The following EEF1D variants were observed in gnomAD, a reference collection of about 807,000 sequenced individuals.
EEF1D encodes the protein eukaryotic translation elongation factor 1 delta.
EEF1D carries 47 observed loss-of-function variants against 63.9 expected under a neutral mutation model. The ratio of observed to expected loss-of-function variants is 0.74; its 90% CI spans 0.58 to 0.94. EEF1D has a LOEUF of 0.94. Among genes scored for constraint, EEF1D ranks in the 40% least tolerant of loss-of-function variants. The probability of loss-of-function intolerance (pLI) is 0.00; values close to 1 mark genes in which losing one functional copy is unlikely to be tolerated. For synonymous variants in EEF1D, 412 were observed against 386.1 expected (o/e 1.07, Z -0.79); for missense variants, 907 against 899.0 (o/e 1.01, Z -0.11).
In EEF1D at chr8:143,580,652, C is replaced by T. The variant is rs376504540; in HGVS notation, c.1564G>A (p.Asp522Asn). 6.2e-7 allele frequency: 1 copy of T among 1,613,892 alleles called. No homozygotes were observed. Among genetic ancestry groups the T allele is most frequent in the Non-Finnish European group, 8.5e-7 (1 of 1,179,974 alleles). ...ATPAEDDEDD[D>N]IDLFGSDNEE... ...TTGTCACTGCCAAACAGGTCAATGT[C>T]ATCATCCTCGTCATCCTCTGCTGGT... The change falls in exon 8 of 10, where the codon GAC (aspartate) becomes AAC (asparagine). Residue 522 changes from aspartate (D) to asparagine (N), a missense_variant. Physicochemically the swap from Asp to Asn is conservative, Grantham distance 23. Coordinates refer to ENST00000618139, the MANE Select transcript of EEF1D (RefSeq NM_001130053.5).
intron 1 of EEF1D, among the ~76,000 whole-genome samples, chr8:143,595,179 C>G (rs1429220828): frequency 6.6e-6 from 1 of 152,202 alleles, no homozygotes; most frequent in Non-Finnish European, 1.5e-5. Context: ...AAGCAATTCT[C>G]CTACCTCAGC....
In EEF1D at chr8:143,586,265, C is replaced by T. The variant is rs1163723900; in HGVS notation, c.1241G>A (p.Arg414His). ...GTTCTCTCTGGCTCTCGCAATGTCA[C>T]GGAGGATCACGCTGGCGCCGTTCTC... ...RQENGASVIL[R>H]DIARARENIQ... Residue 414 changes from arginine (R) to histidine (H), a missense_variant, in exon 5 of 10, where the codon CGT becomes CAT. By Grantham distance (29) the Arg-to-His change is conservative (BLOSUM62 0). Transcript: ENST00000618139. 3.1e-6 allele frequency: 5 copies of T among 1,608,446 alleles called. No homozygotes were observed. Among genetic ancestry groups the T allele is most frequent in the Admixed American group, 3.3e-5 (2 of 59,800 alleles).
intron 1 of EEF1D, chr8:143,596,690 A>C (rs1319357199): frequency 6.6e-6 from 1 of 152,230 alleles, no homozygotes; most frequent in Non-Finnish European, 1.5e-5. Context: ...ACCAATCCTG[A>C]CGTCTCATCA....
At chr8:143,583,065 T>A (rs1168827678) in intron 5 of EEF1D, 1 of 152,198 alleles carries the variant, frequency 6.6e-6, no homozygotes, top group African/African-American at 2.4e-5. Context: ...TGTGACCTTA[T>A]TTGGAGACAG....
chr8:143,596,451 GA>G (rs1193140257), intron 1 of EEF1D: 1 of 152,338 alleles, frequency 6.6e-6, no homozygotes, highest in Non-Finnish European at 1.5e-5. Flanking sequence ...ACGGGCTCCG[GA>G]AGTAACCAAC....
At position 143,581,335 on chromosome 8, in the gene EEF1D, G is replaced by A; in HGVS notation, c.1288-7C>T. On this transcript the variant is annotated splice_polypyrimidine_tract_variant and splice_region_variant and intron_variant, in intron 5 of 9. Transcript: ENST00000618139. ...AGGCCCCGGGGCCTGAGCTCTGCAA[G>A]GCAGGAGGAGGGGAGGGCTCAGTGC... is the stretch of plus-strand genomic sequence containing the variant. 4 of 1,608,908 alleles carry A rather than the reference G, an allele frequency of 2.5e-6. No homozygotes were observed. Among genetic ancestry groups the A allele is most frequent in the South Asian group, 1.1e-5 (1 of 90,622 alleles).
intron 5 of EEF1D, chr8:143,582,560 CA>C (rs1825765752): frequency 6.6e-6 from 1 of 152,304 alleles, no homozygotes; most frequent in African/African-American, 2.4e-5. Flanking sequence ...CCCCACACAG[CA>C]GGCCCAAGGA....
intron 3 of EEF1D, among the ~76,000 whole-genome samples, chr8:143,588,542 G>A (rs1271902755): frequency 1.3e-5 from 2 of 152,208 alleles, no homozygotes; most frequent in Non-Finnish European, 2.9e-5. Context: ...AAAGCTGGGG[G>A]TGCACAGGAT....
chr8:143,592,623 G>A (rs1337373252), intron 2 of EEF1D, 24 bp downstream of exon 2: 1 of 985,696 alleles, frequency 1.0e-6, no homozygotes, highest in African/African-American at 1.7e-5. Flanking sequence ...GGGGAATGGG[G>A]CATGAGGACA....
In EEF1D at chr8:143,586,287, TCTC is replaced by T; in HGVS notation, c.1216_1218del (p.Glu406del). 1 of 1,602,250 alleles carries T rather than the reference TCTC, an allele frequency of 6.2e-7. No individual in the cohort carries two copies. The highest frequency in any genetic ancestry group is 8.5e-7 in the Non-Finnish European group (1 of 1,175,272). On this transcript the variant is annotated inframe_deletion and splice_region_variant, in exon 5 of 10. Transcript: ENST00000618139. ...TCACGGAGGATCACGCTGGCGCCGT[TCTC>T]CTGCAGACAGTGCAGAAAGAACCAG... is the stretch of plus-strand genomic sequence containing the variant.
Position 143,589,867 on chromosome 8 carries a change from C to T in EEF1D, c.215G>A (p.Arg72His), listed in dbSNP as rs773833658. 3.2e-5 allele frequency: 51 copies of T among 1,600,318 alleles called. No homozygotes were observed. The highest frequency in any genetic ancestry group is 3.9e-5 in the Non-Finnish European group (46 of 1,176,122). Residue 72 changes from arginine (R) to histidine (H), a missense_variant, in exon 3 of 10, where the codon CGT becomes CAT. Physicochemically the swap from Arg to His is conservative, Grantham distance 29 (BLOSUM62 0). Coordinates refer to ENST00000618139, the MANE Select transcript of EEF1D (RefSeq NM_001130053.5). The stretch of plus-strand genomic sequence containing the variant: ...GCTGTCCTGGCTCTTCCTGGGATCA[C>T]GCCTGCTGCCGCCGTCAGGGGCTTC... ...EAEAPDGGSR[R>H]DPRKSQDSRK...
rs763262073 is a variant in EEF1D at position 143,580,637 on chromosome 8, C to T, written c.1579G>A (p.Gly527Ser). The T allele has an allele frequency of 8.1e-6, 13 of 1,613,800 alleles. 1 individual carries two copies. The South Asian group carries it at 1.4e-4, about 18-fold the overall frequency. Residue 527 changes from glycine (G) to serine (S), a missense_variant, in exon 8 of 10, where the codon GGC becomes AGC. Coordinates refer to ENST00000618139, the MANE Select transcript of EEF1D (RefSeq NM_001130053.5). ...TTGTCCTCCTCCTCATTGTCACTGC[C>T]AAACAGGTCAATGTCATCATCCTCG... The part of the protein sequence containing the change: ...DDEDDDIDLF[G>S]SDNEEEDKEA...
chr8:143,579,948 G>C (rs973314231), intron 9 of EEF1D, 64 bp downstream of exon 9: 4 of 1,573,768 alleles, frequency 2.5e-6, no homozygotes, highest in Non-Finnish European at 3.5e-6. Context: ...GTGGGGTGGA[G>C]TGCAGGGTAT....
intron 1 of EEF1D, among the ~76,000 whole-genome samples, chr8:143,595,856 C>G (rs1420491048): frequency 1.3e-5 from 2 of 152,248 alleles, no homozygotes; most frequent in Non-Finnish European, 2.9e-5. Context: ...GCACCCTTGG[C>G]TGTCAGCGAG....
chr8:143,595,465 A>G (rs961734856), intron 1 of EEF1D, among the ~76,000 whole-genome samples: 18 of 151,970 alleles, frequency 1.2e-4, no homozygotes, highest in African/African-American at 4.1e-4. Context: ...CGGCCTCCCA[A>G]AGTGCTGGGA....
intron 7 of EEF1D, 109 bp downstream of exon 7, chr8:143,580,945 A>C (rs1825380238): frequency 1.5e-6 from 2 of 1,322,710 alleles, no homozygotes; most frequent in African/African-American, 1.4e-5. Flanking sequence ...GGACTCCAGT[A>C]TCCTGGCTGC....
At chr8:143,586,622 G>A (rs1826692787) in intron 4 of EEF1D, 107 bp downstream of exon 4, 1 of 1,470,756 alleles carries the variant, frequency 6.8e-7, no homozygotes, top group Non-Finnish European at 9.2e-7. Context: ...CAGAGCCACT[G>A]GGCCAGGGTG....
At chr8:143,580,334 A>C in intron 8 of EEF1D, 128 bp from the exon 9 acceptor site, 1 of 1,267,306 alleles carries the variant, frequency 7.9e-7, no homozygotes, top group South Asian at 1.5e-5. Context: ...CACAGAAAAC[A>C]ATCCAAATTC....
At chr8:143,593,853 G>A (rs903925017) in intron 1 of EEF1D, 5 of 985,224 alleles carry the variant, frequency 5.1e-6, no homozygotes, top group Admixed American at 6.2e-5. Context: ...CCCGCTTCCC[G>A]CATTCCCAAG....
Sources: gnomAD v4.1 joint callset for allele counts (sites outside exome capture counted in the v4.1 genomes callset) on GRCh38, gnomAD v4.1.1 for gene constraint, MANE v1.5 for transcripts, NCBI Gene and HGNC (gene_info 2026-07-23, HGNC 2026-07-21) for gene names.